Variants in PKHD1 observed in about 807,000 individuals in gnomAD.
The protein encoded by PKHD1 is PKHD1 ciliary IPT domain containing fibrocystin/polyductin.
PKHD1 carries 291 observed loss-of-function variants against 412.0 expected under a neutral mutation model. The ratio of observed to expected loss-of-function variants is 0.71; its 90% CI spans 0.64 to 0.78. The LOEUF (loss-of-function observed/expected upper bound fraction) is 0.78, where lower values mean the gene tolerates loss of function less well. Among genes scored for constraint, PKHD1 ranks in the 30% least tolerant of loss-of-function variants. PKHD1 has a pLI of 0.00. For synonymous variants in PKHD1, 1,777 were observed against 1,821.5 expected (o/e 0.98, Z 0.62); for missense variants, 4,825 against 4,950.7 (o/e 0.97, Z 0.76).
chr6:51,650,070 T>C (rs1770689270), intron 61 of PKHD1, among the ~76,000 whole-genome samples: 1 of 152,198 alleles, frequency 6.6e-6, no homozygotes, highest in East Asian at 1.9e-4. Context: ...GTCCTACAAA[T>C]AGTAAGTGTT....
chr6:51,711,055 G>A (rs931813740), intron 60 of PKHD1, among the ~76,000 whole-genome samples: 1 of 152,160 alleles, frequency 6.6e-6, no homozygotes, highest in African/African-American at 2.4e-5. Context: ...CCTGCCTTCT[G>A]CCCCAGGCCT....
intron 40 of PKHD1, among the ~76,000 whole-genome samples, chr6:51,906,881 A>G (rs561119030): frequency 3.3e-5 from 5 of 152,272 alleles, no homozygotes; most frequent in African/African-American, 1.2e-4. Context: ...GGTTTATACA[A>G]CTAAAGAGGA....
At chr6:51,744,319 G>T in intron 60 of PKHD1, 66 bp downstream of exon 60, 1 of 1,412,490 alleles carries the variant, frequency 7.1e-7, no homozygotes, top group Non-Finnish European at 1.0e-6. Context: ...AGTGAGCACA[G>T]CAAAACCAGC....
Position 52,069,516 on chromosome 6 carries a change from T to C in PKHD1, c.719A>G (p.His240Arg). The stretch of plus-strand genomic sequence containing the variant: ...AGCACTGATCAGCCATGCCTTCTTG[T>C]GGACCATTGACCTTCGAAAAAGACA... ...SVFNKGKSMV[H>R]KKAWLISAKQ... The change falls in exon 11 of 67, where the codon CAC (histidine) becomes CGC (arginine). Residue 240 changes from histidine (H) to arginine (R), a missense_variant. Coordinates refer to ENST00000371117, the MANE Select transcript of PKHD1 (RefSeq NM_138694.4). 2 of 1,613,134 alleles carry C rather than the reference T, an allele frequency of 1.2e-6. No homozygotes were observed. The highest frequency in any genetic ancestry group is 1.7e-6 in the Non-Finnish European group (2 of 1,179,120).
intron 61 of PKHD1, among the ~76,000 whole-genome samples, chr6:51,655,268 CA>C (rs1271851742): frequency 4.6e-5 from 7 of 152,094 alleles, no homozygotes; most frequent in Admixed American, 2.0e-4. Context: ...ATGCTCCAAA[CA>C]GCTCTCTTCT....
intron 60 of PKHD1, among the ~76,000 whole-genome samples, chr6:51,700,661 G>A (rs1304058247): frequency 6.6e-6 from 1 of 152,042 alleles, no homozygotes; most frequent in Non-Finnish European, 1.5e-5. Context: ...TCTAACTTGT[G>A]ATTCGCCAAG....
chr6:51,660,611 T>C (rs1772678238), intron 60 of PKHD1, among the ~76,000 whole-genome samples: 1 of 152,182 alleles, frequency 6.6e-6, no homozygotes, highest in Non-Finnish European at 1.5e-5. Context: ...ATTAACTCGC[T>C]AGAGAGGCTT....
At chr6:52,061,159 A>G (rs2128217365) in intron 14 of PKHD1, among the ~76,000 whole-genome samples, 1 of 152,280 alleles carries the variant, frequency 6.6e-6, no homozygotes, top group African/African-American at 2.4e-5. Flanking sequence ...AGGTGCTACA[A>G]TGGACCACAA....
intron 61 of PKHD1, among the ~76,000 whole-genome samples, chr6:51,653,968 G>A (rs1322478242): frequency 5.9e-5 from 9 of 152,118 alleles, no homozygotes; most frequent in Admixed American, 5.9e-4. Context: ...TGTTTAGCCT[G>A]GGGAGCTGTA....
intron 35 of PKHD1, among the ~76,000 whole-genome samples, chr6:51,997,307 AT>A (rs1360829541): frequency 1.3e-5 from 2 of 152,158 alleles, no homozygotes; most frequent in African/African-American, 4.8e-5. Context: ...AGCCATTCCT[AT>A]GACTCCTTAG....
chr6:51,781,451 A>T (rs1344434723), intron 53 of PKHD1, among the ~76,000 whole-genome samples: 2 of 152,166 alleles, frequency 1.3e-5, no homozygotes, highest in East Asian at 3.8e-4. Context: ...AATTAATGGA[A>T]TATTAAAATA....
At chr6:51,786,917 C>T (rs755379606) in intron 53 of PKHD1, among the ~76,000 whole-genome samples, 3 of 152,180 alleles carry the variant, frequency 2.0e-5, no homozygotes, top group South Asian at 2.1e-4. Context: ...AAGCACTGAA[C>T]GAAGAATGAA....
intron 36 of PKHD1, 150 bp from the exon 37 acceptor site, chr6:51,934,472 G>A (rs1787161804): frequency 3.0e-6 from 2 of 674,852 alleles, no homozygotes; most frequent in Non-Finnish European, 5.4e-6. Context: ...AAGCACAGTA[G>A]GGTAGACCAG....
chr6:51,847,990 A>C lies in PKHD1; in HGVS notation c.7912-20T>G. 6.4e-7 allele frequency: 1 copy of C among 1,561,024 alleles called. No homozygotes were observed. Among genetic ancestry groups the C allele is most frequent in the Admixed American group, 1.7e-5 (1 of 59,916 alleles). On this transcript the variant is annotated intron_variant, in intron 49 of 66. Coordinates refer to ENST00000371117, the MANE Select transcript of PKHD1 (RefSeq NM_138694.4). ...TGAGTACTTGAAGTGAAAGAAAAAC[A>C]CAATAGTGCTCATTTAGTAAGGAAC...
rs188443505 is a variant in PKHD1 at position 51,915,061 on chromosome 6, G to C, written c.6122-2485C>G. On this transcript the variant is annotated intron_variant, in intron 37 of 66. Coordinates refer to ENST00000371117, the MANE Select transcript of PKHD1 (RefSeq NM_138694.4). Reference sequence around the variant, plus strand: ...GCCATTTATTTGAGCTGCTTTGTGTGGGGGAGGAAGTTTGCACAAAGAAAC... The same window carrying C: ...GCCATTTATTTGAGCTGCTTTGTGTCGGGGAGGAAGTTTGCACAAAGAAAC... Among the ~76,000 whole-genome samples, 3 of 152,140 alleles carry C rather than the reference G, an allele frequency of 2.0e-5. No homozygotes were observed. In the East Asian group the frequency reaches 5.8e-4, roughly 29 times the overall value.
intron 35 of PKHD1, among the ~76,000 whole-genome samples, chr6:51,994,727 A>G (rs1256175018): frequency 6.6e-6 from 1 of 152,072 alleles, no homozygotes; most frequent in Non-Finnish European, 1.5e-5. Context: ...GACCACAGGC[A>G]CACGCCACTA....
Position 51,911,788 on chromosome 6 carries a change from C to G in PKHD1, c.6490+11G>C, listed in dbSNP as rs775497830. On this transcript the variant is annotated intron_variant, in intron 39 of 66. Coordinates refer to ENST00000371117, the MANE Select transcript of PKHD1 (RefSeq NM_138694.4). ...TTGCTCATTAGACTTTCCAACAAAACACTCTTCTACCTTCTGGAGCATTGG... is the reference window on the plus strand; with the variant it reads ...TTGCTCATTAGACTTTCCAACAAAAGACTCTTCTACCTTCTGGAGCATTGG... 23 of 1,609,966 alleles carry G rather than the reference C, an allele frequency of 1.4e-5. No individual in the cohort carries two copies. In the South Asian group the frequency reaches 2.2e-4, roughly 15 times the overall value.
intron 54 of PKHD1, among the ~76,000 whole-genome samples, chr6:51,773,306 T>G (rs1178839990): frequency 6.6e-6 from 1 of 151,990 alleles, no homozygotes; most frequent in East Asian, 1.9e-4. Context: ...TGTTTCAAAA[T>G]GCAGTTTATT....
At chr6:52,023,685 C>T (rs1801736211) in intron 32 of PKHD1, among the ~76,000 whole-genome samples, 1 of 152,120 alleles carries the variant, frequency 6.6e-6, no homozygotes, top group Non-Finnish European at 1.5e-5. Context: ...GGTACTTAGC[C>T]ACTTGACTAA....
Sources: gnomAD v4.1 joint callset for allele counts (sites outside exome capture counted in the v4.1 genomes callset) on GRCh38, gnomAD v4.1.1 for gene constraint, MANE v1.5 for transcripts, NCBI Gene and HGNC (gene_info 2026-07-23, HGNC 2026-07-21) for gene names.